The following PTPRD variants were observed in gnomAD, a reference collection of about 807,000 sequenced individuals.
The protein encoded by PTPRD is protein tyrosine phosphatase receptor type D.
PTPRD carries 34 observed loss-of-function variants against 214.5 expected under a neutral mutation model. The ratio of observed to expected loss-of-function variants is 0.16; its 90% confidence interval spans 0.12 to 0.21. The LOEUF (loss-of-function observed/expected upper bound fraction) is 0.21. PTPRD is among the 10% of genes least tolerant of loss of function. PTPRD has a pLI of 1.00. For missense variants in PTPRD, 2,545 were observed against 2,398.7 expected (o/e 1.06, Z -1.27); for synonymous variants, 1,128 against 845.7 (o/e 1.33, Z -5.79).
At chr9:9,113,497 A>G (rs1290980772) in intron 10 of PTPRD, among the ~76,000 whole-genome samples, 1 of 152,132 alleles carries the variant, frequency 6.6e-6, no homozygotes, top group Non-Finnish European at 1.5e-5. Flanking sequence ...AATCAAAGTC[A>G]GTCTTTTCTC....
intron 9 of PTPRD, among the ~76,000 whole-genome samples, chr9:9,307,644 T>TTC (rs1957546945): frequency 6.6e-6 from 1 of 152,140 alleles, no homozygotes; most frequent in South Asian, 2.1e-4. Context: ...TCCTAGACAA[T>TTC]TCTCTATACT....
intron 5 of PTPRD, among the ~76,000 whole-genome samples, chr9:9,879,614 C>T (rs948118597): frequency 1.3e-5 from 2 of 152,178 alleles, no homozygotes; most frequent in East Asian, 1.9e-4. Context: ...TCTCCACTCA[C>T]ATCTGTCAGA....
chr9:9,582,130 A>G (rs1338754801), intron 7 of PTPRD, among the ~76,000 whole-genome samples: 1 of 152,114 alleles, frequency 6.6e-6, no homozygotes, highest in African/African-American at 2.4e-5. Context: ...AGAAACTTCT[A>G]GTTATCCCTC....
At chr9:9,699,153 TTATC>T (rs1219723941) in intron 7 of PTPRD, among the ~76,000 whole-genome samples, 9 of 152,180 alleles carry the variant, frequency 5.9e-5, no homozygotes, top group African/African-American at 2.2e-4. Flanking sequence ...TTCGTTGTGG[TTATC>T]ATGGTAACAA....
At chr9:9,474,335 C>T (rs1312161486) in intron 8 of PTPRD, among the ~76,000 whole-genome samples, 1 of 151,962 alleles carries the variant, frequency 6.6e-6, no homozygotes, top group Non-Finnish European at 1.5e-5. Context: ...ATACCAATAT[C>T]ATGCCGTATT....
chr9:9,292,657 T>C (rs1376098488), intron 9 of PTPRD, among the ~76,000 whole-genome samples: 1 of 151,430 alleles, frequency 6.6e-6, no homozygotes, highest in African/African-American at 2.4e-5. Flanking sequence ...AGTTATTACC[T>C]AATGTCCTTT....
chr9:10,605,219 G>A (rs988820433), intron 2 of PTPRD, among the ~76,000 whole-genome samples: 4 of 151,642 alleles, frequency 2.6e-5, no homozygotes, highest in Non-Finnish European at 5.9e-5. Context: ...ATTTTTCTCT[G>A]TCTATTCTCT....
At chr9:8,726,599 AT>A (rs2098571702) in intron 12 of PTPRD, among the ~76,000 whole-genome samples, 3 of 3,058 alleles carry the variant, frequency 9.8e-4, no homozygotes, top group Non-Finnish European at 2.1e-3. Context: ...ATATATATAT[AT>A]ATATATATAT....
intron 10 of PTPRD, among the ~76,000 whole-genome samples, chr9:9,125,984 G>C (rs2099831833): frequency 6.6e-6 from 1 of 152,148 alleles, no homozygotes; most frequent in South Asian, 2.1e-4. Context: ...AGATGAGTAA[G>C]AGCTTAGGGT....
chr9:9,782,285 T>G (rs1435285832), intron 5 of PTPRD, among the ~76,000 whole-genome samples: 1 of 152,168 alleles, frequency 6.6e-6, no homozygotes, highest in Admixed American at 6.5e-5. Flanking sequence ...CAGGTACCTC[T>G]AAGTCCTAAT....
At chr9:8,994,264 A>G (rs1345009063) in intron 11 of PTPRD, among the ~76,000 whole-genome samples, 1 of 152,098 alleles carries the variant, frequency 6.6e-6, no homozygotes, top group Non-Finnish European at 1.5e-5. Flanking sequence ...CCAAATAGGG[A>G]TGCACTTGAA....
intron 11 of PTPRD, among the ~76,000 whole-genome samples, chr9:8,758,761 CTT>C (rs35398834): frequency 1.9e-4 from 27 of 145,030 alleles, no homozygotes; most frequent in Admixed American, 2.8e-4. Flanking sequence ...AGAAAATAAC[CTT>C]TTTTTTTTTT....
intron 7 of PTPRD, among the ~76,000 whole-genome samples, chr9:9,600,031 A>G (rs893366206): frequency 1.3e-5 from 2 of 152,022 alleles, no homozygotes; most frequent in African/African-American, 4.8e-5. Flanking sequence ...TGCATTCTAA[A>G]TCCAAGCAGA....
intron 34 of PTPRD, among the ~76,000 whole-genome samples, chr9:8,445,357 G>T (rs1389295416): frequency 1.3e-5 from 2 of 152,114 alleles, no homozygotes; most frequent in African/African-American, 4.8e-5. Flanking sequence ...ACCACAATAA[G>T]ACAGACACTT....
At chr9:9,561,469 G>T (rs946901900) in intron 8 of PTPRD, among the ~76,000 whole-genome samples, 1 of 152,118 alleles carries the variant, frequency 6.6e-6, no homozygotes, top group South Asian at 2.1e-4. Context: ...TACATAATTT[G>T]ACTCTTTTTC....
chr9:9,922,286 C>G (rs2890891), intron 5 of PTPRD, among the ~76,000 whole-genome samples: 68,913 of 151,970 alleles, frequency 0.45, 17,404 homozygotes, highest in East Asian at 0.74. Flanking sequence ...CCCTTTCTCT[C>G]AATCCCTTGA....
chr9:8,457,708 T>C (rs951477478), intron 33 of PTPRD, among the ~76,000 whole-genome samples: 1 of 152,106 alleles, frequency 6.6e-6, no homozygotes, highest in Non-Finnish European at 1.5e-5. Context: ...AAGTGGATTA[T>C]CAATATAATG....
chr9:8,763,033 G>C (rs1200302489), intron 11 of PTPRD, among the ~76,000 whole-genome samples: 1 of 152,150 alleles, frequency 6.6e-6, no homozygotes, highest in Non-Finnish European at 1.5e-5. Flanking sequence ...ATTCAGGTAG[G>C]CTCAGGATCC....
chr9:10,435,045 T>C lies in PTPRD; in HGVS notation c.-599-94028A>G, dbSNP rs144258725. ...CACTAAACTGCGAATTTTTCAATTT[T>C]ATTTGAATCTCAAGTAAGAATATTT... On this transcript the variant is annotated intron_variant, in intron 2 of 45. Coordinates refer to ENST00000381196, the MANE Select transcript of PTPRD (RefSeq NM_002839.4). Among the ~76,000 whole-genome samples, 7 of 152,042 alleles carry C rather than the reference T, an allele frequency of 4.6e-5. No homozygotes were observed. In the East Asian group the frequency reaches 1.4e-3, roughly 30 times the overall value.
Sources: allele counts gnomAD v4.1 joint callset (sites outside exome capture counted in the v4.1 genomes callset), GRCh38; gene constraint gnomAD v4.1.1; transcripts MANE v1.5; gene names NCBI Gene and HGNC (gene_info 2026-07-23, HGNC 2026-07-21).